MTUS2: variants seen among roughly 807,000 people sequenced by gnomAD.
MTUS2 encodes the protein microtubule-associated tumor suppressor candidate 2.
MTUS2 carries 40 observed loss-of-function variants against 114.1 expected under a neutral mutation model. The observed-to-expected ratio is 0.35, with a 90% CI of 0.27 to 0.46. The LOEUF is 0.46. MTUS2 is among the 20% of genes least tolerant of loss of function. MTUS2 has a pLI of 1.00. For missense variants in MTUS2, 1,679 were observed against 1,705.4 expected, an observed-to-expected ratio of 0.98 and a Z score of 0.27; for synonymous variants, 688 against 672.0, an observed-to-expected ratio of 1.02 and a Z score of -0.37.
chr13:28,977,951 G>A (rs1884190192), intron 2 of MTUS2, among the ~76,000 whole-genome samples: 1 of 151,998 alleles, frequency 6.6e-6, no homozygotes, highest in Non-Finnish European at 1.5e-5. Flanking sequence ...TCTCTTTCCC[G>A]GACTACCACA....
Position 28,906,411 on chromosome 13 carries a change from T to C in MTUS2, c.-243+66561T>C, listed in dbSNP as rs371148265. 9.4e-4 allele frequency among the ~76,000 whole-genome samples: 143 copies of C among 151,362 alleles called. No homozygotes were observed. In the East Asian group the frequency reaches 0.025, roughly 26 times the overall value. On this transcript the variant is annotated intron_variant, in intron 2 of 15. Transcript: ENST00000612955. ...GCATTTAGTGCTATAAATTTCCCTCTACACACTGCTTTGAATGTGTCCCAG... is the reference window on the plus strand; with the variant it reads ...GCATTTAGTGCTATAAATTTCCCTCCACACACTGCTTTGAATGTGTCCCAG...
intron 5 of MTUS2, among the ~76,000 whole-genome samples, chr13:29,245,798 G>T (rs1202699732): frequency 6.8e-6 from 1 of 146,936 alleles, no homozygotes; most frequent in East Asian, 2.0e-4. Context: ...CCAGGTTCAC[G>T]CCAGCCTCCT....
At chr13:29,313,544 A>G (rs529245380) in intron 6 of MTUS2, among the ~76,000 whole-genome samples, 3 of 152,336 alleles carry the variant, frequency 2.0e-5, no homozygotes, top group Admixed American at 6.5e-5. Context: ...AAGATGTATA[A>G]TAAGATATAT....
intron 9 of MTUS2, among the ~76,000 whole-genome samples, chr13:29,444,394 G>A (rs1465710322): frequency 6.6e-6 from 1 of 152,160 alleles, no homozygotes; most frequent in Non-Finnish European, 1.5e-5. Context: ...TTGCGCCATT[G>A]TACTCCAGCC....
intron 5 of MTUS2, among the ~76,000 whole-genome samples, chr13:29,276,549 C>A: frequency 6.6e-6 from 1 of 152,046 alleles, no homozygotes; most frequent in East Asian, 1.9e-4. Context: ...CTGGCATGGG[C>A]ACAGGAAGGG....
intron 9 of MTUS2, among the ~76,000 whole-genome samples, chr13:29,469,454 T>C (rs536746861): frequency 6.6e-6 from 1 of 152,044 alleles, no homozygotes; most frequent in Non-Finnish European, 1.5e-5. Flanking sequence ...AGTGAAACCC[T>C]GTCTCTACTA....
At chr13:29,128,322 A>G (rs111641063) in intron 5 of MTUS2, among the ~76,000 whole-genome samples, 2,993 of 152,292 alleles carry the variant, frequency 0.02, 106 homozygotes, top group African/African-American at 0.068. Context: ...ACCACATAAT[A>G]GGCGGCAAAG....
chr13:29,195,752 A>G (rs1438583360), intron 5 of MTUS2, among the ~76,000 whole-genome samples: 1 of 152,136 alleles, frequency 6.6e-6, no homozygotes, highest in Non-Finnish European at 1.5e-5. Context: ...AGAGTGTTTC[A>G]TGAGGGGAAA....
intron 2 of MTUS2, among the ~76,000 whole-genome samples, chr13:28,986,596 T>C (rs1884598664): frequency 1.3e-5 from 2 of 152,274 alleles, no homozygotes; most frequent in Admixed American, 1.3e-4. Context: ...GAGCATAGAA[T>C]CCTCTAACAG....
intron 4 of MTUS2, among the ~76,000 whole-genome samples, chr13:29,065,420 T>G (rs1411726386): frequency 2.6e-5 from 4 of 152,204 alleles, no homozygotes; most frequent in Non-Finnish European, 5.9e-5. Context: ...TGACCTCATG[T>G]ATGCCTTCTT....
intron 5 of MTUS2, among the ~76,000 whole-genome samples, chr13:29,170,849 C>T: frequency 6.6e-6 from 1 of 152,096 alleles, no homozygotes. Flanking sequence ...TAATGTTGTT[C>T]TTTGAAACAG....
At chr13:29,248,456 A>T (rs935867595) in intron 5 of MTUS2, among the ~76,000 whole-genome samples, 8 of 152,166 alleles carry the variant, frequency 5.3e-5, no homozygotes, top group East Asian at 1.9e-4. Context: ...TTTTAAAAAA[A>T]TTTTTAAATA....
chr13:29,366,160 C>T (rs1285021575), intron 8 of MTUS2, among the ~76,000 whole-genome samples: 1 of 152,174 alleles, frequency 6.6e-6, no homozygotes, highest in Non-Finnish European at 1.5e-5. Context: ...ATACTTGAGA[C>T]TGGGCAATTT....
At chr13:28,897,377 G>A (rs1301177178) in intron 2 of MTUS2, among the ~76,000 whole-genome samples, 26 of 152,262 alleles carry the variant, frequency 1.7e-4, no homozygotes, top group East Asian at 1.5e-3. Context: ...TAGAATGGCA[G>A]TCATTAAAAA....
intron 2 of MTUS2, among the ~76,000 whole-genome samples, chr13:28,867,601 C>T (rs1323957678): frequency 2.0e-5 from 3 of 152,184 alleles, no homozygotes; most frequent in Non-Finnish European, 4.4e-5. Flanking sequence ...CATGTTTAAA[C>T]TCTATTACAA....
intron 2 of MTUS2, among the ~76,000 whole-genome samples, chr13:28,941,326 T>C (rs541361393): frequency 6.6e-6 from 1 of 152,216 alleles, no homozygotes; most frequent in East Asian, 1.9e-4. Flanking sequence ...TATATGTGTT[T>C]ATACACTGTA....
intron 8 of MTUS2, among the ~76,000 whole-genome samples, chr13:29,424,852 G>A (rs1193595223): frequency 6.6e-6 from 1 of 151,980 alleles, no homozygotes; most frequent in Admixed American, 6.6e-5. Context: ...GGAGGGGTGG[G>A]GATTGCTGTT....
chr13:29,471,742 G>GC (rs559849711), intron 9 of MTUS2, among the ~76,000 whole-genome samples: 2,068 of 131,670 alleles, frequency 0.016, 90 homozygotes, highest in Non-Finnish European at 0.021. Context: ...TGCAGGCCCA[G>GC]CCCCCCCCGA....
In MTUS2 at chr13:29,026,391, G is replaced by T. The variant is rs777823065; in HGVS notation, c.1693G>T (p.Ala565Ser). Residue 565 changes from alanine (A) to serine (S), a missense_variant, in exon 3 of 16, where the codon GCG becomes TCG. Coordinates refer to ENST00000612955, the MANE Select transcript of MTUS2 (RefSeq NM_001033602.4). ...FQDVSVFGMD[A>S]GSPLVVPPPT... ...GGATGTTAGCGTGTTCGGTATGGAT[G>T]CGGGGTCCCCCTTGGTAGTTCCACC... The T allele has an allele frequency of 1.2e-6, 2 of 1,613,782 alleles. No homozygotes were observed. The highest frequency in any genetic ancestry group is 1.7e-6 in the Non-Finnish European group (2 of 1,179,854).
Sources: allele counts gnomAD v4.1 joint callset (sites outside exome capture counted in the v4.1 genomes callset), GRCh38; gene constraint gnomAD v4.1.1; transcripts MANE v1.5; gene names NCBI Gene and HGNC (gene_info 2026-07-23, HGNC 2026-07-21).